Variants in TTLL13 observed in about 807,000 individuals in gnomAD.
TTLL13 encodes the protein tubulin tyrosine ligase like 13.
the TTLL13 span, among the ~76,000 whole-genome samples, chr15:90,254,703 C>A: frequency 6.6e-6 from 1 of 151,720 alleles, no homozygotes; most frequent in African/African-American, 2.4e-5. Context: ...AAATATTAGC[C>A]AGGCGTAGTG....
At chr15:90,257,620 G>A in the TTLL13 span, 6 of 1,612,780 alleles carry the variant, frequency 3.7e-6, no homozygotes, top group African/African-American at 1.3e-5. Context: ...GAGACCACAG[G>A]GCCACTCTTT....
the TTLL13 span, chr15:90,262,926 T>C: frequency 1.2e-5 from 18 of 1,523,388 alleles, no homozygotes; most frequent in Non-Finnish European, 1.5e-5. Flanking sequence ...TTGGGACTTA[T>C]CCTTGGAGAT....
the TTLL13 span, chr15:90,265,463 G>A: frequency 7.3e-7 from 1 of 1,366,102 alleles, no homozygotes; most frequent in Non-Finnish European, 9.4e-7. Flanking sequence ...TTTAATTAAA[G>A]TTTATGCAGT....
chr15:90,256,876 C>T, the TTLL13 span, among the ~76,000 whole-genome samples: 54 of 151,806 alleles, frequency 3.6e-4, no homozygotes, highest in South Asian at 6.2e-4. Flanking sequence ...TTAGTAGAGA[C>T]GGGGTTTCAC....
chr15:90,256,545 T>TTTTCTTTCTTTCTCTTTC, the TTLL13 span, among the ~76,000 whole-genome samples: 4 of 105,392 alleles, frequency 3.8e-5, no homozygotes, highest in African/African-American at 1.3e-4. Context: ...TCTCCTTCCT[T>TTTTCTTTCTTTCTCTTTC]TTTCTTTCTT....
chr15:90,262,551 G>A, the TTLL13 span: 46 of 1,533,254 alleles, frequency 3.0e-5, no homozygotes, highest in African/African-American at 5.5e-4. Flanking sequence ...GGCACTAAGA[G>A]GCAAAAGGCC....
At chr15:90,260,522 A>T in the TTLL13 span, among the ~76,000 whole-genome samples, 1 of 151,764 alleles carries the variant, frequency 6.6e-6, no homozygotes, top group Admixed American at 6.6e-5. Flanking sequence ...AAAATAAAAT[A>T]AAAATATTGT....
At chr15:90,263,202 G>A in the TTLL13 span, 17 of 1,432,658 alleles carry the variant, frequency 1.2e-5, no homozygotes, top group African/African-American at 2.3e-4. Context: ...GTCATTCCAG[G>A]ACATGGTGTT....
At chr15:90,263,863 C>A in the TTLL13 span, 2 of 916,138 alleles carry the variant, frequency 2.2e-6, no homozygotes, top group Non-Finnish European at 3.4e-6. Flanking sequence ...TCCAGTTCTG[C>A]CCCATGAATC....
the TTLL13 span, chr15:90,257,747 G>T: frequency 6.2e-7 from 1 of 1,606,350 alleles, no homozygotes; most frequent in African/African-American, 1.3e-5. Context: ...GTTTTCTCCT[G>T]CTTCCTCTGC....
chr15:90,261,900 A>T, the TTLL13 span: 1 of 920,550 alleles, frequency 1.1e-6, no homozygotes, highest in East Asian at 2.9e-5. Context: ...GGGGCCCAGG[A>T]GGTCAAGAAG....
At chr15:90,251,081 G>T in the TTLL13 span, among the ~76,000 whole-genome samples, 1 of 150,110 alleles carries the variant, frequency 6.7e-6, no homozygotes, top group Non-Finnish European at 1.5e-5. Context: ...GCTCATTTTG[G>T]AATCCCAGCC....
chr15:90,250,066 TCC>T, the TTLL13 span, among the ~76,000 whole-genome samples: 65 of 151,866 alleles, frequency 4.3e-4, no homozygotes, highest in African/African-American at 1.5e-3. Context: ...CAAGTGATTC[TCC>T]TCCCTCAGCC....
chr15:90,252,098 G>A, the TTLL13 span, among the ~76,000 whole-genome samples: 1 of 144,698 alleles, frequency 6.9e-6, no homozygotes, highest in Non-Finnish European at 1.5e-5. Context: ...GGAATGCAAT[G>A]GCGTGATCTC....
chr15:90,261,358 C>T, the TTLL13 span, among the ~76,000 whole-genome samples: 6 of 148,698 alleles, frequency 4.0e-5, no homozygotes, highest in Non-Finnish European at 8.9e-5. Context: ...GCATTACAGG[C>T]GTGAGCCACC....
chr15:90,264,497 C>G, the TTLL13 span, among the ~76,000 whole-genome samples: 11 of 152,094 alleles, frequency 7.2e-5, no homozygotes, highest in Non-Finnish European at 1.3e-4. Context: ...TACACTAGAC[C>G]CTGGTGATAG....
the TTLL13 span, chr15:90,262,652 C>A: frequency 6.7e-7 from 1 of 1,494,508 alleles, no homozygotes; most frequent in South Asian, 1.3e-5. Context: ...TTACAGGAAC[C>A]GCAACTGGGA....
chr15:90,261,083 C>CTT, the TTLL13 span, among the ~76,000 whole-genome samples: 4 of 140,910 alleles, frequency 2.8e-5, no homozygotes, highest in Non-Finnish European at 4.7e-5. Context: ...TTCTTGTTTT[C>CTT]TTTTTTTTTT....
At chr15:90,259,319 G>A in the TTLL13 span, among the ~76,000 whole-genome samples, 13 of 152,064 alleles carry the variant, frequency 8.5e-5, no homozygotes, top group Admixed American at 4.6e-4. Flanking sequence ...GAGCCCAGGA[G>A]GTCAAGCCTG....
Sources: gnomAD v4.1 joint callset for allele counts (sites outside exome capture counted in the v4.1 genomes callset) on GRCh38, gnomAD v4.1.1 for gene constraint, MANE v1.5 for transcripts, NCBI Gene and HGNC (gene_info 2026-07-23, HGNC 2026-07-21) for gene names.